The following SERGEF variants were observed in gnomAD, a reference collection of about 807,000 sequenced individuals.
The protein encoded by SERGEF is secretion-regulating guanine nucleotide exchange factor.
In SERGEF, 51 loss-of-function variants were observed where a neutral mutation model predicts 50.0. That is an observed-to-expected ratio of 1.02 (90% CI 0.81 to 1.29). SERGEF has a LOEUF of 1.29. Ranked by LOEUF, SERGEF falls within the 50% of genes most tolerant of loss-of-function variation. The probability of loss-of-function intolerance (pLI) is 0.00; values close to 1 mark genes in which losing one functional copy is unlikely to be tolerated. For synonymous variants in SERGEF, 205 were observed against 212.4 expected, an observed-to-expected ratio of 0.97 and a Z score of 0.30; for missense variants, 521 against 557.0, an observed-to-expected ratio of 0.94 and a Z score of 0.65.
chr11:17,920,681 T>A (rs1852137834), intron 9 of SERGEF, among the ~76,000 whole-genome samples: 1 of 152,194 alleles, frequency 6.6e-6, no homozygotes, highest in Admixed American at 6.5e-5. Flanking sequence ...AAGGCTACAG[T>A]GGCCTATATG....
chr11:17,958,848 T>C (rs1852931389), intron 9 of SERGEF, among the ~76,000 whole-genome samples: 1 of 152,006 alleles, frequency 6.6e-6, no homozygotes, highest in African/African-American at 2.4e-5. Flanking sequence ...GTCATTTTCT[T>C]TTTTTGTTGT....
Position 18,007,976 on chromosome 11 carries a change from A to G in SERGEF, c.161T>C (p.Ile54Thr). Residue 54 changes from isoleucine (I) to threonine (T), a missense_variant, in exon 2 of 11, where the codon ATC becomes ACC. By Grantham distance (89) the Ile-to-Thr change is moderately conservative (BLOSUM62 -1). Coordinates refer to ENST00000265965, the MANE Select transcript of SERGEF (RefSeq NM_012139.4). The part of the protein sequence containing the change: ...DFCKPRSVRR[I>T]TGGGGHSAVV... ...TGCAGAGTGGCCCCCTCCTCCTGTG[A>G]TCCTCCTGACACTCCTGGGTTTACA... is the stretch of plus-strand genomic sequence containing the variant. 1 of 1,613,902 alleles carries G rather than the reference A, an allele frequency of 6.2e-7. No individual in the cohort carries two copies. Among genetic ancestry groups the G allele is most frequent in the Non-Finnish European group, 8.5e-7 (1 of 1,179,828 alleles).
intron 10 of SERGEF, among the ~76,000 whole-genome samples, chr11:17,872,287 ATGGTGTTTTCTTTTCTATATCTTGCTC>A: frequency 9.2e-4 from 1 of 1,092 alleles, no homozygotes; most frequent in East Asian, 0.045. Context: ...CTTGCTCTGG[ATGGTGTTTTCTTTTCTATATCTTGCTC>A]TGGATGGTGT....
At chr11:17,947,950 CTT>C (rs397848456) in intron 9 of SERGEF, among the ~76,000 whole-genome samples, 10 of 133,534 alleles carry the variant, frequency 7.5e-5, no homozygotes, top group African/African-American at 1.4e-4. Flanking sequence ...CTAATCCATT[CTT>C]TTTTTTTTTT....
rs1252067778 is a variant in SERGEF at position 18,002,803 on chromosome 11, C to T, written c.447+1638G>A. Among the ~76,000 whole-genome samples the T allele has an allele frequency of 3.3e-5, 5 of 152,350 alleles. No homozygotes were observed. The East Asian group carries it at 9.6e-4, about 29-fold the overall frequency. ...CCACTGCCTAAACATAGTACCTACACATAATGGTTGTCATTAAATAAATGA... is the reference window on the plus strand; with the variant it reads ...CCACTGCCTAAACATAGTACCTACATATAATGGTTGTCATTAAATAAATGA... On this transcript the variant is annotated intron_variant, in intron 4 of 10. Coordinates refer to ENST00000265965, the MANE Select transcript of SERGEF (RefSeq NM_012139.4).
chr11:17,796,045 A>T (rs1266761841), intron 10 of SERGEF, among the ~76,000 whole-genome samples: 3 of 152,218 alleles, frequency 2.0e-5, no homozygotes, highest in Non-Finnish European at 4.4e-5. Context: ...ATATGTACAA[A>T]TGGAAAAGAA....
intron 10 of SERGEF, among the ~76,000 whole-genome samples, chr11:17,810,480 G>A (rs1251813676): frequency 6.6e-6 from 1 of 152,152 alleles, no homozygotes; most frequent in Non-Finnish European, 1.5e-5. Context: ...GAGCAGCAAG[G>A]GCATCTACAG....
chr11:17,964,990 G>A (rs994966710), intron 8 of SERGEF, among the ~76,000 whole-genome samples: 4 of 152,214 alleles, frequency 2.6e-5, no homozygotes, highest in African/African-American at 9.7e-5. Flanking sequence ...CACAGGTGCT[G>A]GAAGCAGTCA....
chr11:17,962,310 C>G (rs1377911173), intron 8 of SERGEF, among the ~76,000 whole-genome samples: 1 of 151,980 alleles, frequency 6.6e-6, no homozygotes, highest in Non-Finnish European at 1.5e-5. Flanking sequence ...AAGGCATAAA[C>G]ACATGGATGA....
chr11:17,906,562 A>T (rs1013850259), intron 9 of SERGEF, among the ~76,000 whole-genome samples: 3 of 152,198 alleles, frequency 2.0e-5, no homozygotes, highest in African/African-American at 7.2e-5. Context: ...AGACAGTGCC[A>T]TGCTGTGGCC....
rs1851471976 is a variant in SERGEF, at chr11:17,888,542, A to G, written c.1012-10298T>C. Among the ~76,000 whole-genome samples the G allele has an allele frequency of 6.6e-6, 1 of 152,114 alleles. No individual in the cohort carries two copies. The highest frequency in any genetic ancestry group is 1.5e-5 in the Non-Finnish European group (1 of 68,014). ...CAGAATGCTCACTGTAGTTGAAGGAAACACAAATATAGAATGAGAGAAGGC... is the reference window on the plus strand; with the variant it reads ...CAGAATGCTCACTGTAGTTGAAGGAGACACAAATATAGAATGAGAGAAGGC... On this transcript the variant is annotated intron_variant, in intron 9 of 10. Transcript: ENST00000265965. The surrounding 1 kb of genome is among the most constrained non-coding windows in gnomAD (Gnocchi z 4.1).
At chr11:17,958,054 T>C (rs991181825) in intron 9 of SERGEF, among the ~76,000 whole-genome samples, 8 of 152,202 alleles carry the variant, frequency 5.3e-5, no homozygotes, top group Admixed American at 4.6e-4. Flanking sequence ...TAAATTGTCT[T>C]TGTGGTATTG....
At chr11:17,825,192 T>G (rs1026044982) in intron 10 of SERGEF, among the ~76,000 whole-genome samples, 1 of 152,200 alleles carries the variant, frequency 6.6e-6, no homozygotes, top group African/African-American at 2.4e-5. Context: ...CTAAAGTAAA[T>G]GAAAATGGTC....
intron 4 of SERGEF, among the ~76,000 whole-genome samples, chr11:18,003,246 A>G (rs1295837502): frequency 6.6e-6 from 1 of 152,216 alleles, no homozygotes; most frequent in Non-Finnish European, 1.5e-5. Context: ...GGTAAAACTC[A>G]TTTTTGATTC....
intron 9 of SERGEF, among the ~76,000 whole-genome samples, chr11:17,950,882 C>T (rs977680935): frequency 2.6e-5 from 4 of 152,298 alleles, no homozygotes; most frequent in South Asian, 4.1e-4. Flanking sequence ...GGCGGTTGTA[C>T]CTCTGCAGAG....
intron 9 of SERGEF, among the ~76,000 whole-genome samples, chr11:17,887,247 T>C (rs1381506190): frequency 1.3e-5 from 2 of 152,224 alleles, no homozygotes; most frequent in South Asian, 2.1e-4. Flanking sequence ...GGCATTTGCT[T>C]CACCTGTTTT....
chr11:17,944,921 C>G (rs1324502650), intron 9 of SERGEF, among the ~76,000 whole-genome samples: 1 of 152,214 alleles, frequency 6.6e-6, no homozygotes, highest in Non-Finnish European at 1.5e-5. Context: ...AAAAGGCCTT[C>G]CTGCCTAACA....
At chr11:17,852,666 T>C (rs1423892776) in intron 10 of SERGEF, among the ~76,000 whole-genome samples, 1 of 152,216 alleles carries the variant, frequency 6.6e-6, no homozygotes, top group African/African-American at 2.4e-5. Flanking sequence ...GGAAAGAAGA[T>C]ATTCTGAAAA....
At chr11:17,955,389 C>A (rs1326970928) in intron 9 of SERGEF, among the ~76,000 whole-genome samples, 1 of 152,178 alleles carries the variant, frequency 6.6e-6, no homozygotes, top group Non-Finnish European at 1.5e-5. Flanking sequence ...GTATGGCCAA[C>A]ACTGGTGCAT....
Sources: gnomAD v4.1 joint callset for allele counts (sites outside exome capture counted in the v4.1 genomes callset) on GRCh38, gnomAD v4.1.1 for gene constraint, Gnocchi (gnomAD v3.1) non-coding constraint, MANE v1.5 for transcripts, NCBI Gene and HGNC (gene_info 2026-07-23, HGNC 2026-07-21) for gene names.